The following NIPBL variants were observed in gnomAD, a reference collection of about 807,000 sequenced individuals.
NIPBL encodes nipped-B-like protein.
A neutral mutation model predicts 321.8 loss-of-function variants in NIPBL; 19 were observed. That is an observed-to-expected ratio of 0.06 (90% CI 0.04 to 0.09). NIPBL has a LOEUF of 0.09. Ranked by LOEUF, NIPBL falls within the 10% of genes least tolerant of loss-of-function variation. NIPBL has a pLI of 1.00. For synonymous variants in NIPBL, 1,106 were observed against 1,114.1 expected, an observed-to-expected ratio of 0.99 and a Z score of 0.14; for missense variants, 2,210 against 3,327.0, an observed-to-expected ratio of 0.66 and a Z score of 8.26.
At position 37,048,509 on chromosome 5, in the gene NIPBL, C is replaced by G. The variant is rs773628266; in HGVS notation, c.6597C>G (p.Ala2199=). The G allele has an allele frequency of 6.4e-7, 1 of 1,571,360 alleles. No individual in the cohort carries two copies. Among genetic ancestry groups the G allele is most frequent in the Non-Finnish European group, 8.6e-7 (1 of 1,158,436 alleles). ...TTTTCCCCTCTCCCATAGGATTTGCCTTTATTCAGCATCCAAGTCTAATGT... is the reference window on the plus strand; with the variant it reads ...TTTTCCCCTCTCCCATAGGATTTGCGTTTATTCAGCATCCAAGTCTAATGT... The part of the protein sequence containing the change: ...QTKAIIGLGF[A]FIQHPSLMFE... Residue 2199 remains alanine (A), a synonymous_variant, in exon 39 of 47, where the codon GCC becomes GCG. Transcript: ENST00000282516.
chr5:37,052,289 A>G (rs746539420), intron 41 of NIPBL, 77 bp from the exon 42 acceptor site: 1 of 1,127,158 alleles, frequency 8.9e-7, no homozygotes, highest in Non-Finnish European at 1.3e-6. Flanking sequence ...CTAGCCTCAG[A>G]ATGTAATGCT....
intron 11 of NIPBL, among the ~76,000 whole-genome samples, chr5:36,999,878 C>T (rs1156711068): frequency 1.3e-5 from 2 of 152,116 alleles, no homozygotes; most frequent in Non-Finnish European, 2.9e-5. Flanking sequence ...GTGGGTTTAA[C>T]TTAGCTATTA....
chr5:36,886,456 G>A, intron 1 of NIPBL: 1 of 749,150 alleles, frequency 1.3e-6, no homozygotes, highest in Non-Finnish European at 2.4e-6. Context: ...GGATGGCAGA[G>A]TGGTGTCTGA....
At chr5:36,941,208 A>C (rs1739023318) in intron 1 of NIPBL, among the ~76,000 whole-genome samples, 1 of 152,184 alleles carries the variant, frequency 6.6e-6, no homozygotes, top group Non-Finnish European at 1.5e-5. Context: ...CAGGCAATTC[A>C]GTATTCTAAT....
intron 41 of NIPBL, among the ~76,000 whole-genome samples, chr5:37,052,123 A>G (rs1040769575): frequency 1.3e-5 from 2 of 152,150 alleles, no homozygotes; most frequent in African/African-American, 4.8e-5. Flanking sequence ...CCTGGATTTT[A>G]TATCTTACTA....
At chr5:36,946,206 A>G (rs1386973076) in intron 1 of NIPBL, among the ~76,000 whole-genome samples, 1 of 151,972 alleles carries the variant, frequency 6.6e-6, no homozygotes, top group Non-Finnish European at 1.5e-5. Flanking sequence ...AAGTGGTGGC[A>G]GGGCAATTCT....
At chr5:36,981,021 C>G (rs757963196) in intron 9 of NIPBL, among the ~76,000 whole-genome samples, 10 of 151,600 alleles carry the variant, frequency 6.6e-5, no homozygotes, top group Non-Finnish European at 1.3e-4. Context: ...GAAATACTTC[C>G]TTGAAATTAA....
chr5:36,915,122 GGTAT>G (rs1384271771), intron 1 of NIPBL, among the ~76,000 whole-genome samples: 1 of 151,720 alleles, frequency 6.6e-6, no homozygotes, highest in Non-Finnish European at 1.5e-5. Context: ...ATTTCTCAAA[GGTAT>G]AAATTCTAAT....
chr5:37,013,780 G>A (rs1392658304), intron 21 of NIPBL, among the ~76,000 whole-genome samples: 2 of 152,154 alleles, frequency 1.3e-5, no homozygotes, highest in Non-Finnish European at 1.5e-5. Context: ...GCCAGGCGGA[G>A]ATGCTCCTCA....
At chr5:37,031,593 A>G (rs1018992719) in intron 32 of NIPBL, among the ~76,000 whole-genome samples, 4 of 152,190 alleles carry the variant, frequency 2.6e-5, no homozygotes, top group South Asian at 2.1e-4. Context: ...TCTAGTTTGT[A>G]AGGAAAATAC....
At chr5:36,930,735 G>A (rs531938260) in intron 1 of NIPBL, among the ~76,000 whole-genome samples, 2 of 152,112 alleles carry the variant, frequency 1.3e-5, no homozygotes, top group South Asian at 2.1e-4. Flanking sequence ...ATTTTTGAGA[G>A]TTTTAAAAAA....
At chr5:36,963,988 A>G (rs925678627) in intron 6 of NIPBL, among the ~76,000 whole-genome samples, 18 of 152,206 alleles carry the variant, frequency 1.2e-4, no homozygotes, top group African/African-American at 4.3e-4. Context: ...TGTGTAAAAC[A>G]GAATGTAAAT....
chr5:37,013,375 G>T (rs1393316667), intron 21 of NIPBL, among the ~76,000 whole-genome samples: 6 of 151,994 alleles, frequency 3.9e-5, no homozygotes, highest in African/African-American at 1.2e-4. Context: ...TCCGGACGAG[G>T]TGGCTGCTGG....
chr5:36,905,288 T>C (rs1417898946), intron 1 of NIPBL, among the ~76,000 whole-genome samples: 2 of 152,222 alleles, frequency 1.3e-5, no homozygotes, highest in Non-Finnish European at 2.9e-5. Flanking sequence ...TCTCTTCCTA[T>C]GTATTTCTCA....
intron 40 of NIPBL, 68 bp from the exon 41 acceptor site, chr5:37,051,711 T>A (rs1300553716): frequency 9.5e-7 from 1 of 1,057,742 alleles, no homozygotes; most frequent in Non-Finnish European, 1.5e-6. Context: ...TATGAAAAGT[T>A]TTGACATATG....
intron 1 of NIPBL, among the ~76,000 whole-genome samples, chr5:36,896,596 T>C (rs543140045): frequency 6.6e-6 from 1 of 152,260 alleles, no homozygotes; most frequent in African/African-American, 2.4e-5. Context: ...TAATTTCCTT[T>C]AGTGTTTTGT....
rs748963945 is a variant in NIPBL at position 37,016,181 on chromosome 5, A to ATTAT, written c.4776+11_4776+12insTTAT. 1 of 1,612,784 alleles carries ATTAT rather than the reference A, an allele frequency of 6.2e-7. No individual in the cohort carries two copies. Among genetic ancestry groups the ATTAT allele is most frequent in the Non-Finnish European group, 8.5e-7 (1 of 1,178,862 alleles). ...TTAGGGAGACTGTTGGTAAGAGTAT[A>ATTAT]GCATTTAAAGATTATTAGATTACTA... On this transcript the variant is annotated intron_variant, in intron 23 of 46. Transcript: ENST00000282516.
intron 1 of NIPBL, among the ~76,000 whole-genome samples, chr5:36,907,680 C>G (rs1035115400): frequency 1.3e-5 from 2 of 152,114 alleles, no homozygotes; most frequent in Non-Finnish European, 2.9e-5. Context: ...GGCACTTTTT[C>G]CTTTTATCTG....
At chr5:36,992,736 T>G (rs925268937) in intron 10 of NIPBL, among the ~76,000 whole-genome samples, 2 of 149,866 alleles carry the variant, frequency 1.3e-5, no homozygotes, top group Non-Finnish European at 3.0e-5. Context: ...ATTTATTTAT[T>G]TATTTATTTA....
Sources: gnomAD v4.1 joint callset for allele counts (sites outside exome capture counted in the v4.1 genomes callset) on GRCh38, gnomAD v4.1.1 for gene constraint, MANE v1.5 for transcripts, NCBI Gene and HGNC (gene_info 2026-07-23, HGNC 2026-07-21) for gene names.